HIVEP3: variants seen among roughly 807,000 people sequenced by gnomAD.
HIVEP3 encodes HIVEP zinc finger 3.
Under a neutral mutation model 152.8 loss-of-function variants are expected in HIVEP3, and 49 were observed. The observed-to-expected ratio is 0.32, with a 90% CI of 0.26 to 0.41. The LOEUF (loss-of-function observed/expected upper bound fraction) is 0.41. HIVEP3 is among the 10% of genes least tolerant of loss of function. HIVEP3 has a pLI of 1.00. For synonymous variants in HIVEP3, 1,269 were observed against 1,289.0 expected (o/e 0.98, Z 0.33); for missense variants, 2,790 against 3,103.3 (o/e 0.90, Z 2.40).
chr1:41,661,355 A>G (rs1645709159), intron 2 of HIVEP3, among the ~76,000 whole-genome samples: 1 of 152,148 alleles, frequency 6.6e-6, no homozygotes, highest in Non-Finnish European at 1.5e-5. Flanking sequence ...TGCAGCCACC[A>G]CCACTTCTGT....
chr1:41,659,200 A>T (rs1295567786), intron 2 of HIVEP3, among the ~76,000 whole-genome samples: 3 of 152,142 alleles, frequency 2.0e-5, no homozygotes, highest in African/African-American at 7.2e-5. Flanking sequence ...TTCTATGGCA[A>T]ATATTCTTTC....
At chr1:41,780,892 T>C (rs1427297390) in intron 1 of HIVEP3, among the ~76,000 whole-genome samples, 2 of 152,064 alleles carry the variant, frequency 1.3e-5, no homozygotes, top group South Asian at 2.1e-4. Context: ...AAGACAAGCA[T>C]TTGAGAAAGA....
rs140848637 is a variant in HIVEP3, at chr1:41,584,329, G to T, written c.469C>A (p.Leu157Ile). The T allele has an allele frequency of 1.9e-4, 314 of 1,613,910 alleles. 1 individual carries two copies. In the African/African-American group the frequency reaches 3.7e-3, roughly 19 times the overall value. ...ACGAAGACTTTGGGGACTCCAGGAAGGTCCTCGGGGGGAATGATGGAAGCG... is the reference window on the plus strand; with the variant it reads ...ACGAAGACTTTGGGGACTCCAGGAATGTCCTCGGGGGGAATGATGGAAGCG... ...SHASIIPPED[L>I]PGVPKVFVPR... The change falls in exon 4 of 9, where the codon CTT becomes ATT. Residue 157 changes from leucine to isoleucine, a missense_variant. Physicochemically the swap from Leu to Ile is conservative, Grantham distance 5 (BLOSUM62 2). Coordinates refer to ENST00000372583, the MANE Select transcript of HIVEP3 (RefSeq NM_024503.5). This position sits in a 1 kb window ranked among gnomAD's most constrained non-coding sequence, Gnocchi z 5.2.
chr1:41,820,773 C>G (rs1029981710), intron 1 of HIVEP3, among the ~76,000 whole-genome samples: 1 of 152,168 alleles, frequency 6.6e-6, no homozygotes, highest in African/African-American at 2.4e-5. Flanking sequence ...GTTAGCTCCA[C>G]GAAGGAGGAT....
chr1:41,712,695 C>G (rs1301248587), intron 1 of HIVEP3, among the ~76,000 whole-genome samples: 1 of 152,254 alleles, frequency 6.6e-6, no homozygotes, highest in African/African-American at 2.4e-5. Flanking sequence ...GAGCCACAAC[C>G]TGTCCCAGGT....
chr1:41,695,798 T>C (rs1646265155), intron 2 of HIVEP3, among the ~76,000 whole-genome samples: 1 of 152,252 alleles, frequency 6.6e-6, no homozygotes, highest in African/African-American at 2.4e-5. Context: ...TAAACGTGAA[T>C]TCTTTCTCAG....
At chr1:41,523,552 A>C (rs1642820412) in intron 6 of HIVEP3, among the ~76,000 whole-genome samples, 1 of 152,050 alleles carries the variant, frequency 6.6e-6, no homozygotes, top group Admixed American at 6.5e-5. Flanking sequence ...CTCCCAGGGG[A>C]TGTGATAAAC....
At position 41,579,995 on chromosome 1, in the gene HIVEP3, G is replaced by A; in HGVS notation, c.4803C>T (p.Thr1601=). The A allele has an allele frequency of 6.2e-7, 1 of 1,614,234 alleles. No homozygotes were observed. Among genetic ancestry groups the A allele is most frequent in the Non-Finnish European group, 8.5e-7 (1 of 1,180,048 alleles). The change falls in exon 4 of 9, where the codon ACC becomes ACT. Residue 1601 remains threonine (T), a synonymous_variant. Transcript: ENST00000372583. ...TTAAATAGCACCAACTGACATTAGT[G>A]GTTGTGTGGAGGCTGGGGAACTGCA... ...KVLQFPSLHT[T]TNVSWCYLNY... is the part of the protein sequence containing the mutation.
intron 7 of HIVEP3, among the ~76,000 whole-genome samples, chr1:41,517,792 C>T (rs1020678777): frequency 2.0e-5 from 3 of 152,314 alleles, no homozygotes; most frequent in Admixed American, 6.5e-5. Flanking sequence ...TCTAAGATGC[C>T]TCCTGGGGAT....
intron 2 of HIVEP3, among the ~76,000 whole-genome samples, chr1:41,689,942 C>T (rs971540705): frequency 1.3e-5 from 2 of 152,272 alleles, no homozygotes; most frequent in African/African-American, 4.8e-5. Flanking sequence ...AGCCAGACAG[C>T]TCAGCCTTCC....
At chr1:41,939,451 A>G (rs1645035324) in intron 1 of HIVEP3, among the ~76,000 whole-genome samples, 1 of 152,206 alleles carries the variant, frequency 6.6e-6, no homozygotes, top group Admixed American at 6.5e-5. Flanking sequence ...AGTCTCTCAG[A>G]GGAAAGAAGA....
intron 4 of HIVEP3, among the ~76,000 whole-genome samples, 198 bp from the exon 5 acceptor site, chr1:41,575,887 C>G (rs1229782709): frequency 6.6e-6 from 1 of 152,184 alleles, no homozygotes; most frequent in African/African-American, 2.4e-5. Context: ...TTCCCTTATC[C>G]AAGGCCATGC....
At chr1:41,653,469 CT>C (rs1645582118) in intron 2 of HIVEP3, among the ~76,000 whole-genome samples, 1 of 152,148 alleles carries the variant, frequency 6.6e-6, no homozygotes, top group Middle Eastern at 3.2e-3. Context: ...CATTTTCTCC[CT>C]GTAACACATC....
chr1:41,710,717 C>T (rs1196244687), intron 1 of HIVEP3, among the ~76,000 whole-genome samples: 2 of 152,234 alleles, frequency 1.3e-5, no homozygotes, highest in Non-Finnish European at 2.9e-5. Context: ...CAAGCACCCA[C>T]CTTATTCCTG....
chr1:41,962,021 A>C (rs2124498101), intron 1 of HIVEP3, among the ~76,000 whole-genome samples: 1 of 152,408 alleles, frequency 6.6e-6, no homozygotes, highest in African/African-American at 2.4e-5. Context: ...CCATAAGCCA[A>C]GAATTAAGTT....
intron 1 of HIVEP3, among the ~76,000 whole-genome samples, chr1:41,715,882 C>G (rs552081480): frequency 6.6e-6 from 1 of 152,228 alleles, no homozygotes; most frequent in Non-Finnish European, 1.5e-5. Flanking sequence ...CAGGCCCAAA[C>G]CGAAAGCCAC....
At chr1:41,842,088 T>C (rs1042868190) in intron 1 of HIVEP3, among the ~76,000 whole-genome samples, 1 of 151,320 alleles carries the variant, frequency 6.6e-6, no homozygotes, top group East Asian at 1.9e-4. Flanking sequence ...AGAGACTCCA[T>C]CTCAAAAAAA....
chr1:41,829,156 G>A (rs557043766), intron 1 of HIVEP3, among the ~76,000 whole-genome samples: 20 of 152,158 alleles, frequency 1.3e-4, no homozygotes, highest in Admixed American at 1.1e-3. Flanking sequence ...GAGTGGAAGC[G>A]TCACAGGGGT....
At chr1:41,651,411 C>CAAA (rs35508121) in intron 2 of HIVEP3, among the ~76,000 whole-genome samples, 9 of 89,026 alleles carry the variant, frequency 1.0e-4, no homozygotes, top group African/African-American at 1.3e-4. Flanking sequence ...AACTCCATCT[C>CAAA]AAAAAAAAAA....
Sources: gnomAD v4.1 joint callset for allele counts (sites outside exome capture counted in the v4.1 genomes callset) on GRCh38, gnomAD v4.1.1 for gene constraint, Gnocchi (gnomAD v3.1) non-coding constraint, MANE v1.5 for transcripts, NCBI Gene and HGNC (gene_info 2026-07-23, HGNC 2026-07-21) for gene names.